The following TBCK variants were observed in gnomAD, a reference collection of about 807,000 sequenced individuals.
The protein encoded by TBCK is TBC1 domain containing kinase.
Under a neutral mutation model 113.4 loss-of-function variants are expected in TBCK, and 99 were observed. The observed-to-expected ratio is 0.87, with a 90% CI of 0.74 to 1.03. The LOEUF is 1.03. Among genes scored for constraint, TBCK ranks in the 50% least tolerant of loss-of-function variants. TBCK has a pLI of 0.00. For synonymous variants in TBCK, 369 were observed against 370.8 expected (o/e 1.00, Z 0.05); for missense variants, 1,045 against 1,061.3 (o/e 0.98, Z 0.21).
chr4:106,076,519 C>T (rs1426910981), intron 25 of TBCK, among the ~76,000 whole-genome samples: 1 of 151,954 alleles, frequency 6.6e-6, no homozygotes, highest in South Asian at 2.1e-4. Flanking sequence ...TGCAGAGAAC[C>T]CTTGTGAGAT....
At chr4:106,220,895 G>A (rs12641037) in intron 19 of TBCK, among the ~76,000 whole-genome samples, 21,490 of 152,088 alleles carry the variant, frequency 0.14, 1,713 homozygotes, top group South Asian at 0.25. Flanking sequence ...AGAGATATGT[G>A]ACATCAACAA....
intron 22 of TBCK, among the ~76,000 whole-genome samples, chr4:106,192,378 A>T (rs551486033): frequency 1.3e-5 from 2 of 152,096 alleles, no homozygotes; most frequent in South Asian, 4.1e-4. Context: ...AAATGACAAG[A>T]AATCATCTGC....
At chr4:106,212,967 G>A (rs2149892753) in intron 19 of TBCK, 132 bp from the exon 20 acceptor site, 1 of 609,504 alleles carries the variant, frequency 1.6e-6, no homozygotes, top group East Asian at 3.0e-5. Flanking sequence ...TGATAATTTT[G>A]TTTTGTTACT....
rs576225809 is a variant in TBCK, at chr4:106,176,850, G to A, written c.2060-5580C>T. On this transcript the variant is annotated intron_variant, in intron 22 of 25. Coordinates refer to ENST00000394708, the MANE Select transcript of TBCK (RefSeq NM_001163435.3). ...ACCATCTATTATTTTTCTCTTCTTC[G>A]TAATAGCCTTTTAAACTTGGATAAA... Among the ~76,000 whole-genome samples, 191 of 151,502 alleles carry A rather than the reference G, an allele frequency of 1.3e-3. 1 individual carries two copies. Among genetic ancestry groups the A allele is most frequent in the African/African-American group, 4.2e-3 (172 of 41,338 alleles).
At chr4:106,282,054 G>C (rs1020852171) in intron 3 of TBCK, among the ~76,000 whole-genome samples, 1 of 152,126 alleles carries the variant, frequency 6.6e-6, no homozygotes, top group Admixed American at 6.6e-5. Flanking sequence ...TTTGCTGGGA[G>C]ACTTTTTATT....
At chr4:106,125,122 G>C (rs1745019688) in intron 23 of TBCK, among the ~76,000 whole-genome samples, 1 of 152,050 alleles carries the variant, frequency 6.6e-6, no homozygotes, top group South Asian at 2.1e-4. Flanking sequence ...GTACACTGTT[G>C]GTGGGAATGT....
At chr4:106,047,917 G>T (rs1409742052) in intron 25 of TBCK, among the ~76,000 whole-genome samples, 1 of 152,070 alleles carries the variant, frequency 6.6e-6, no homozygotes, top group Non-Finnish European at 1.5e-5. Flanking sequence ...ACTAAAACCT[G>T]ATCTTAGATC....
At position 106,126,094 on chromosome 4, in the gene TBCK, A is replaced by G. The variant is rs533787750; in HGVS notation, c.2236-9716T>C. 1.8e-4 allele frequency among the ~76,000 whole-genome samples: 28 copies of G among 152,308 alleles called. No homozygotes were observed. The South Asian group carries it at 5.6e-3, about 30-fold the overall frequency. On this transcript the variant is annotated intron_variant, in intron 23 of 25. Transcript: ENST00000394708. ...TTTTCACGCCACTGTGCCTTTGCACATGTTGTTCCTTCGCTTAGAAAGCCA... is the reference window on the plus strand; with the variant it reads ...TTTTCACGCCACTGTGCCTTTGCACGTGTTGTTCCTTCGCTTAGAAAGCCA...
At chr4:106,112,954 G>T (rs76656682) in intron 24 of TBCK, among the ~76,000 whole-genome samples, 19,676 of 152,170 alleles carry the variant, frequency 0.13, 1,608 homozygotes, top group South Asian at 0.24. Context: ...TTATACAGGT[G>T]TTAACCCTAG....
At chr4:106,177,044 C>T (rs1406705083) in intron 22 of TBCK, among the ~76,000 whole-genome samples, 1 of 151,368 alleles carries the variant, frequency 6.6e-6, no homozygotes, top group East Asian at 1.9e-4. Flanking sequence ...AGACTATGAC[C>T]TACGACAAGC....
At chr4:106,242,354 C>T in intron 12 of TBCK, 116 bp downstream of exon 12, 2 of 575,732 alleles carry the variant, frequency 3.5e-6, no homozygotes, top group Non-Finnish European at 5.6e-6. Context: ...ACATATTTTA[C>T]AGAAGCTCTC....
intron 1 of TBCK, among the ~76,000 whole-genome samples, chr4:106,311,484 A>G (rs190152065): frequency 5.9e-5 from 9 of 152,310 alleles, no homozygotes; most frequent in Non-Finnish European, 1.0e-4. Flanking sequence ...ATAAAACTCA[A>G]AAACAAAAAA....
intron 22 of TBCK, among the ~76,000 whole-genome samples, chr4:106,192,575 AT>A (rs1331531611): frequency 6.6e-6 from 1 of 152,174 alleles, no homozygotes; most frequent in Non-Finnish European, 1.5e-5. Context: ...AATAGTTTCA[AT>A]TTTGAGGGAA....
intron 24 of TBCK, among the ~76,000 whole-genome samples, chr4:106,098,053 A>G (rs1464535176): frequency 2.6e-5 from 4 of 152,078 alleles, no homozygotes; most frequent in Non-Finnish European, 5.9e-5. Context: ...ATTACAGTGG[A>G]AAACAAGTAT....
chr4:106,222,487 A>T (rs1757816081), intron 19 of TBCK, among the ~76,000 whole-genome samples: 1 of 152,124 alleles, frequency 6.6e-6, no homozygotes, highest in East Asian at 1.9e-4. Context: ...TCCCTTCCGA[A>T]AAGTTTTTCA....
At chr4:106,127,184 G>C (rs948724858) in intron 23 of TBCK, among the ~76,000 whole-genome samples, 2 of 136,964 alleles carry the variant, frequency 1.5e-5, no homozygotes, top group African/African-American at 5.3e-5. Context: ...CTCCAGCCTG[G>C]TGACAGAGCA....
intron 3 of TBCK, among the ~76,000 whole-genome samples, chr4:106,283,242 C>T (rs1004664924): frequency 5.3e-5 from 8 of 152,046 alleles, no homozygotes; most frequent in South Asian, 2.1e-4. Context: ...AACTTTTATA[C>T]TTACAACTTT....
chr4:106,049,875 A>C (rs1011472206), intron 25 of TBCK, among the ~76,000 whole-genome samples: 1 of 152,068 alleles, frequency 6.6e-6, no homozygotes, highest in Non-Finnish European at 1.5e-5. Flanking sequence ...CTCTGACATC[A>C]GTTGTTTTTA....
At chr4:106,235,178 A>T in intron 15 of TBCK, 91 bp downstream of exon 15, 1 of 771,516 alleles carries the variant, frequency 1.3e-6, no homozygotes, top group Non-Finnish European at 1.9e-6. Flanking sequence ...ATTTTCTAAT[A>T]ACTAGAAAAA....
Sources: allele counts gnomAD v4.1 joint callset (sites outside exome capture counted in the v4.1 genomes callset), GRCh38; gene constraint gnomAD v4.1.1; transcripts MANE v1.5; gene names NCBI Gene and HGNC (gene_info 2026-07-23, HGNC 2026-07-21).